JARID2: variants seen among roughly 807,000 people sequenced by gnomAD.
JARID2 encodes protein Jumonji.
Under a neutral mutation model 125.6 loss-of-function variants are expected in JARID2, and 21 were observed. The ratio of observed to expected loss-of-function variants is 0.17; its 90% CI spans 0.12 to 0.24. JARID2 has a LOEUF of 0.24. Ranked by LOEUF, JARID2 falls within the 10% of genes least tolerant of loss-of-function variation. The pLI is 1.00. For synonymous variants in JARID2, 736 were observed against 661.6 expected, an observed-to-expected ratio of 1.11 and a Z score of -1.73; for missense variants, 1,303 against 1,639.6, an observed-to-expected ratio of 0.79 and a Z score of 3.55.
Position 15,374,110 on chromosome 6 carries a change from T to C in JARID2, c.46-7T>C. On this transcript the variant is annotated splice_polypyrimidine_tract_variant and splice_region_variant and intron_variant, in intron 1 of 17. Transcript: ENST00000341776. Reference sequence around the variant, plus strand: ...AGTAACTCCTCTCTTTTCTTATGTTTCTTCAGGATGACAGTGATGGGATTC... The same window carrying C: ...AGTAACTCCTCTCTTTTCTTATGTTCCTTCAGGATGACAGTGATGGGATTC... The C allele has an allele frequency of 6.2e-7, 1 of 1,612,466 alleles. No homozygotes were observed.
intron 3 of JARID2, among the ~76,000 whole-genome samples, chr6:15,411,919 T>C (rs184465455): frequency 6.6e-6 from 1 of 152,320 alleles, no homozygotes; most frequent in African/African-American, 2.4e-5. Context: ...GAGGGACTCT[T>C]TGTCCCTAAC....
chr6:15,486,735 T>G (rs999682076), intron 5 of JARID2, among the ~76,000 whole-genome samples: 4 of 151,554 alleles, frequency 2.6e-5, no homozygotes, highest in African/African-American at 9.7e-5. Flanking sequence ...ATAAAGCAGC[T>G]GCGCCCCGAA....
chr6:15,471,748 C>A (rs1769087582), intron 5 of JARID2, among the ~76,000 whole-genome samples: 1 of 152,016 alleles, frequency 6.6e-6, no homozygotes, highest in Admixed American at 6.5e-5. Context: ...TGTGCAGGGG[C>A]AGTGACTATC....
chr6:15,521,307 T>C lies in JARID2; in HGVS notation c.*1056T>C, dbSNP rs1771837605. 6.6e-6 allele frequency: 1 copy of C among 152,064 alleles called. No homozygotes were observed. Among genetic ancestry groups the C allele is most frequent in the African/African-American group, 2.4e-5 (1 of 41,362 alleles). 9.4% of individuals were successfully genotyped at this position (152,064 alleles called of 1,614,324 possible). A position where few individuals can be genotyped will look rare whatever the true frequency, so the allele number is the denominator to read the frequency against. On this transcript the variant is annotated 3_prime_UTR_variant, in exon 18 of 18. Coordinates refer to ENST00000341776, the MANE Select transcript of JARID2 (RefSeq NM_004973.4). ...AAAATGCATTTGCGTTCATCTTGTCTATTTTTTCTCTTCATGTTGTAACAA... is the reference window on the plus strand; with the variant it reads ...AAAATGCATTTGCGTTCATCTTGTCCATTTTTTCTCTTCATGTTGTAACAA...
chr6:15,347,532 G>T (rs543848174), intron 1 of JARID2, among the ~76,000 whole-genome samples: 1 of 152,132 alleles, frequency 6.6e-6, no homozygotes, highest in South Asian at 2.1e-4. Context: ...TATGTGTTTA[G>T]ATTCCTGGGT....
intron 1 of JARID2, among the ~76,000 whole-genome samples, chr6:15,317,328 T>C (rs1762213127): frequency 6.6e-6 from 1 of 152,214 alleles, no homozygotes; most frequent in African/African-American, 2.4e-5. Context: ...TTTAGGATAA[T>C]AGTTTGATTT....
chr6:15,386,279 C>CCCCTCTCTCT (rs541718545), intron 2 of JARID2, among the ~76,000 whole-genome samples: 380 of 148,382 alleles, frequency 2.6e-3, no homozygotes, highest in Middle Eastern at 6.8e-3. Flanking sequence ...CCTTCCTTTC[C>CCCCTCTCTCT]CCCTCTCTCT....
chr6:15,415,768 C>T (rs559221413), intron 3 of JARID2, among the ~76,000 whole-genome samples: 11 of 143,992 alleles, frequency 7.6e-5, no homozygotes, highest in African/African-American at 2.6e-4. Context: ...GTAGGGGCGG[C>T]CTGGCAGAGG....
chr6:15,415,432 C>T (rs987390365), intron 3 of JARID2, among the ~76,000 whole-genome samples: 6 of 149,048 alleles, frequency 4.0e-5, no homozygotes, highest in African/African-American at 1.5e-4. Context: ...GGGCGGCTGG[C>T]CGGGCGGGGG....
At chr6:15,371,291 C>T (rs1025547900) in intron 1 of JARID2, among the ~76,000 whole-genome samples, 4 of 152,244 alleles carry the variant, frequency 2.6e-5, no homozygotes, top group Admixed American at 2.0e-4. Flanking sequence ...TGCAATAAAT[C>T]GTCATGGGAA....
At chr6:15,289,652 A>G (rs537356050) in intron 1 of JARID2, among the ~76,000 whole-genome samples, 6 of 152,260 alleles carry the variant, frequency 3.9e-5, no homozygotes, top group African/African-American at 1.4e-4. Context: ...CAGGAGTTTG[A>G]GACCAGCTTT....
At chr6:15,439,593 G>A (rs1767361722) in intron 3 of JARID2, among the ~76,000 whole-genome samples, 1 of 152,180 alleles carries the variant, frequency 6.6e-6, no homozygotes, top group Non-Finnish European at 1.5e-5. Flanking sequence ...AGGGATTAAT[G>A]AAGGACTTAA....
Position 15,520,912 on chromosome 6 carries a change from AAAG to A in JARID2, c.*667_*669del, listed in dbSNP as rs1359073369. ...CACATCACTATGCATCTGTTCCAGGAAAGAAGAAAAGCGAGCGAGGAAGACGGA... is the reference window on the plus strand; with the variant it reads ...CACATCACTATGCATCTGTTCCAGGAAAGAAAAGCGAGCGAGGAAGACGGA... On this transcript the variant is annotated 3_prime_UTR_variant, in exon 18 of 18. Coordinates refer to ENST00000341776, the MANE Select transcript of JARID2 (RefSeq NM_004973.4). 2.5e-5 allele frequency: 11 copies of A among 439,824 alleles called. No individual in the cohort carries two copies. The highest frequency in any genetic ancestry group is 1.4e-4 in the East Asian group (2 of 13,800). 27.2% of individuals were successfully genotyped at this position (439,824 alleles called of 1,614,324 possible).
intron 3 of JARID2, among the ~76,000 whole-genome samples, chr6:15,414,937 T>G (rs1766069552): frequency 6.6e-6 from 1 of 152,056 alleles, no homozygotes; most frequent in Non-Finnish European, 1.5e-5. Context: ...AGGTCTCTGG[T>G]TTTCCTATGC....
chr6:15,454,267 A>G (rs1768051477), intron 4 of JARID2, among the ~76,000 whole-genome samples: 1 of 152,128 alleles, frequency 6.6e-6, no homozygotes, highest in Non-Finnish European at 1.5e-5. Context: ...GCCCTGCCTT[A>G]CTAATTGGCT....
chr6:15,511,888 C>T (rs1225395306), intron 13 of JARID2, among the ~76,000 whole-genome samples: 1 of 152,168 alleles, frequency 6.6e-6, no homozygotes, highest in Non-Finnish European at 1.5e-5. Context: ...GGGCCTGTGG[C>T]CTACTTGGCT....
intron 5 of JARID2, among the ~76,000 whole-genome samples, chr6:15,473,527 CCCCG>C (rs1769189432): frequency 2.8e-5 from 2 of 70,464 alleles, no homozygotes; most frequent in African/African-American, 4.6e-5. Flanking sequence ...CCCCCCCCCC[CCCCG>C]CTTTGTGTCC....
intron 1 of JARID2, among the ~76,000 whole-genome samples, chr6:15,359,260 C>T (rs1490551746): frequency 6.6e-6 from 1 of 152,162 alleles, no homozygotes; most frequent in Non-Finnish European, 1.5e-5. Flanking sequence ...TGCAGTCTCC[C>T]TGCAAGTCGT....
intron 1 of JARID2, among the ~76,000 whole-genome samples, chr6:15,304,468 C>T (rs1335509054): frequency 6.6e-6 from 1 of 152,060 alleles, no homozygotes; most frequent in African/African-American, 2.4e-5. Flanking sequence ...GTTGCAGACA[C>T]CAGAGAGCAG....
Sources: gnomAD v4.1 joint callset for allele counts (sites outside exome capture counted in the v4.1 genomes callset) on GRCh38, gnomAD v4.1.1 for gene constraint, MANE v1.5 for transcripts, NCBI Gene and HGNC (gene_info 2026-07-23, HGNC 2026-07-21) for gene names.